The following IGSF3 variants were observed in gnomAD, a reference collection of about 807,000 sequenced individuals.
The protein encoded by IGSF3 is immunoglobulin superfamily member 3, also known as glu-Trp-Ile EWI motif-containing protein 3.
A neutral mutation model predicts 114.4 loss-of-function variants in IGSF3; 23 were observed. The ratio of observed to expected loss-of-function variants is 0.20; its 90% CI spans 0.14 to 0.28. The LOEUF is 0.28. Among genes scored for constraint, IGSF3 ranks in the 10% least tolerant of loss-of-function variants. The pLI is 1.00. For synonymous variants in IGSF3, 571 were observed against 645.2 expected (o/e 0.88, Z 1.74); for missense variants, 1,172 against 1,591.5 (o/e 0.74, Z 4.48).
rs1256900933 is a variant in IGSF3 at position 116,584,583 on chromosome 1, A to G, written c.2848+62T>C. ...ATAAACTAATTTTATCCAGTGCATA[A>G]AACAGTATACTTAAATGGGAAACAC... On this transcript the variant is annotated intron_variant, in intron 9 of 10. Coordinates refer to ENST00000369486, the MANE Select transcript of IGSF3 (RefSeq NM_001007237.3). The surrounding 1 kb of genome is among the most constrained non-coding windows in gnomAD (Gnocchi z 5.8). The G allele has an allele frequency of 6.6e-7, 1 of 1,525,420 alleles. No individual in the cohort carries two copies. 94.5% of individuals were successfully genotyped at this position (1,525,420 alleles called of 1,614,324 possible). A position where few individuals can be genotyped will look rare whatever the true frequency, so the allele number is the denominator to read the frequency against.
rs1018410690 is a variant in IGSF3, at chr1:116,664,849, G to C, written c.43+1435C>G. Among the ~76,000 whole-genome samples, 7 of 152,182 alleles carry C rather than the reference G, an allele frequency of 4.6e-5. No homozygotes were observed. The highest frequency in any genetic ancestry group is 1.7e-4 in the African/African-American group (7 of 41,436). ...TGAACTCACCCACTGGTTCTCTACTGAACCATGCATGGAATTACCTGAGAT... is the reference window on the plus strand; with the variant it reads ...TGAACTCACCCACTGGTTCTCTACTCAACCATGCATGGAATTACCTGAGAT... On this transcript the variant is annotated intron_variant, in intron 2 of 10. Coordinates refer to ENST00000369486, the MANE Select transcript of IGSF3 (RefSeq NM_001007237.3). The surrounding 1 kb of genome is among the most constrained non-coding windows in gnomAD (Gnocchi z 4.6).
In IGSF3 at chr1:116,604,043, G is replaced by C. The variant is rs1660702253; in HGVS notation, c.1223-18C>G. 1 of 1,572,966 alleles carries C rather than the reference G, an allele frequency of 6.4e-7. No individual in the cohort carries two copies. Among genetic ancestry groups the C allele is most frequent in the South Asian group, 1.1e-5 (1 of 87,916 alleles). ...GCTGCTCTCTAGGAAGAGGGAGAGA[G>C]AAACACCCTGGAGGCTTTATGGTCT... On this transcript the variant is annotated intron_variant, in intron 5 of 10. Coordinates refer to ENST00000369486, the MANE Select transcript of IGSF3 (RefSeq NM_001007237.3).
At chr1:116,660,924 T>C (rs912781773) in intron 2 of IGSF3, among the ~76,000 whole-genome samples, 9 of 152,190 alleles carry the variant, frequency 5.9e-5, no homozygotes, top group African/African-American at 2.2e-4. Context: ...GGGAAAAGTG[T>C]CATGAATTTC....
intron 6 of IGSF3, among the ~76,000 whole-genome samples, chr1:116,602,592 G>A (rs1422151059): frequency 6.6e-6 from 1 of 152,206 alleles, no homozygotes; most frequent in Non-Finnish European, 1.5e-5. Context: ...AATCTCAGAG[G>A]GGTAAGAAAA....
At position 116,610,988 on chromosome 1, in the gene IGSF3, C is replaced by T. The variant is rs1277235007; in HGVS notation, c.833-2657G>A. On this transcript the variant is annotated intron_variant, in intron 4 of 10. Transcript: ENST00000369486. The surrounding 1 kb of genome is among the most constrained non-coding windows in gnomAD (Gnocchi z 4.3). ...CCTTCCCTCCCACAGTTCAAGGAAC[C>T]CCCAGAGCCCCAGTCCTAGCCCCTG... Among the ~76,000 whole-genome samples, 1 of 152,186 alleles carries T rather than the reference C, an allele frequency of 6.6e-6. No individual in the cohort carries two copies. Among genetic ancestry groups the T allele is most frequent in the Non-Finnish European group, 1.5e-5 (1 of 68,044 alleles).
chr1:116,646,957 A>G (rs923030469), intron 2 of IGSF3: 3 of 152,440 alleles, frequency 2.0e-5, no homozygotes, highest in Non-Finnish European at 1.5e-5. Flanking sequence ...GACGCAGCAC[A>G]GTTCCTGAGA....
In IGSF3 at chr1:116,634,497, C is replaced by CT. The variant is rs574172173; in HGVS notation, c.44-18041dup. ...CCTCCTCTCTCCCTGCCCACATCTC[C>CT]TCAGTCACTCGCTGCCTCCTCTCTT... On this transcript the variant is annotated intron_variant, in intron 2 of 10. Coordinates refer to ENST00000369486, the MANE Select transcript of IGSF3 (RefSeq NM_001007237.3). This position sits in a 1 kb window ranked among gnomAD's most constrained non-coding sequence, Gnocchi z 4.2. Among the ~76,000 whole-genome samples the CT allele has an allele frequency of 4.8e-3, 734 of 152,308 alleles. 2 individuals carry two copies. Among genetic ancestry groups the CT allele is most frequent in the African/African-American group, 0.017 (687 of 41,572 alleles).
chr1:116,660,992 C>T (rs981896035), intron 2 of IGSF3, among the ~76,000 whole-genome samples: 2 of 152,126 alleles, frequency 1.3e-5, no homozygotes, highest in African/African-American at 4.8e-5. Flanking sequence ...AAACCATTCA[C>T]TCATCAAAAA....
In IGSF3 at chr1:116,648,446, T is replaced by TTGTTTAAAGCAC. The variant is rs1446805057; in HGVS notation, c.43+17826_43+17837dup. On this transcript the variant is annotated intron_variant, in intron 2 of 10. Transcript: ENST00000369486. The surrounding 1 kb of genome is among the most constrained non-coding windows in gnomAD (Gnocchi z 4.7). ...CCTTTCCCACGTGTCTAACTCTGCT[T>TTGTTTAAAGCAC]TGTTTAAAGCACAGTCAGACCCGCC... Among the ~76,000 whole-genome samples the TTGTTTAAAGCAC allele has an allele frequency of 6.6e-6, 1 of 152,168 alleles. No individual in the cohort carries two copies. The highest frequency in any genetic ancestry group is 6.5e-5 in the Admixed American group (1 of 15,284).
At position 116,650,354 on chromosome 1, in the gene IGSF3, G is replaced by A. The variant is rs1390954738; in HGVS notation, c.43+15930C>T. Among the ~76,000 whole-genome samples the A allele has an allele frequency of 3.3e-5, 5 of 152,176 alleles. No homozygotes were observed. Among genetic ancestry groups the A allele is most frequent in the East Asian group, 1.9e-4 (1 of 5,202 alleles). On this transcript the variant is annotated intron_variant, in intron 2 of 10. Coordinates refer to ENST00000369486, the MANE Select transcript of IGSF3 (RefSeq NM_001007237.3). This position sits in a 1 kb window ranked among gnomAD's most constrained non-coding sequence, Gnocchi z 5.0. ...GCAACAAGATGGCTGCTTCATGTCCGAGAATCTAGTGAAAGAAGCTGTCCC... is the reference window on the plus strand; with the variant it reads ...GCAACAAGATGGCTGCTTCATGTCCAAGAATCTAGTGAAAGAAGCTGTCCC...
intron 7 of IGSF3, among the ~76,000 whole-genome samples, chr1:116,597,280 G>T (rs569115310): frequency 1.3e-5 from 2 of 152,308 alleles, no homozygotes; most frequent in South Asian, 4.1e-4. Flanking sequence ...AGTCTCCAGC[G>T]CACAGTCAGC....
At chr1:116,666,102 C>T (rs547496840) in intron 2 of IGSF3, among the ~76,000 whole-genome samples, 182 bp downstream of exon 2, 1 of 152,242 alleles carries the variant, frequency 6.6e-6, no homozygotes, top group East Asian at 1.9e-4. Context: ...AATGATATTC[C>T]ACCGTTGCTC....
chr1:116,604,013 G>A lies in IGSF3; in HGVS notation c.1235C>T (p.Ser412Phe). The A allele has an allele frequency of 6.2e-7, 1 of 1,605,946 alleles. No individual in the cohort carries two copies. Among genetic ancestry groups the A allele is most frequent in the Non-Finnish European group, 8.5e-7 (1 of 1,178,328 alleles). The change falls in exon 6 of 11, where the codon TCC becomes TTC. Residue 412 changes from serine to phenylalanine, a missense_variant. This residue lies in a region of IGSF3 where 736 missense variants were observed against 1,042.0 expected (regional missense o/e 0.71). Transcript: ENST00000369486. ...IIVLPLKSSI[S>F]VEVASNASVI... ...GCTGGCATTGCTGGCCACCTCCACG[G>A]AGATGCTGCTCTCTAGGAAGAGGGA...
Position 116,649,198 on chromosome 1 carries a change from C to T in IGSF3, c.43+17086G>A, listed in dbSNP as rs1331174406. On this transcript the variant is annotated intron_variant, in intron 2 of 10. Coordinates refer to ENST00000369486, the MANE Select transcript of IGSF3 (RefSeq NM_001007237.3). This position sits in a 1 kb window ranked among gnomAD's most constrained non-coding sequence, Gnocchi z 4.5. ...CGTCTTGGCAGCCACACTTTCTGGC[C>T]CTAGCCCAAGGCTGCTGTGGCATGG... is the stretch of plus-strand genomic sequence containing the variant. 6.6e-6 allele frequency among the ~76,000 whole-genome samples: 1 copy of T among 152,212 alleles called. No individual in the cohort carries two copies. Among genetic ancestry groups the T allele is most frequent in the Non-Finnish European group, 1.5e-5 (1 of 68,040 alleles).
Position 116,579,727 on chromosome 1 carries a change from T to C in IGSF3, c.2999A>G (p.Lys1000Arg). 3 of 1,601,824 alleles carry C rather than the reference T, an allele frequency of 1.9e-6. No homozygotes were observed. Among genetic ancestry groups the C allele is most frequent in the African/African-American group, 1.3e-5 (1 of 74,814 alleles). ...WYSLRTKAGGKRSSPGLEEQE... is the reference protein window; with the variant it reads ...WYSLRTKAGGRRSSPGLEEQE... The stretch of plus-strand genomic sequence containing the variant: ...TTCTTCCAGGCCAGGGCTGCTCCTT[T>C]TCCCCCCAGCTTTAGTCCTCAGGGA... Residue 1000 changes from lysine (K) to arginine (R), a missense_variant, in exon 10 of 11, where the codon AAA (lysine) becomes AGA (arginine). Coordinates refer to ENST00000369486, the MANE Select transcript of IGSF3 (RefSeq NM_001007237.3). This position sits in a 1 kb window ranked among gnomAD's most constrained non-coding sequence, Gnocchi z 6.4.
In IGSF3 at chr1:116,596,609, A is replaced by C. The variant is rs1660355592; in HGVS notation, c.2029+3332T>G. Among the ~76,000 whole-genome samples the C allele has an allele frequency of 6.6e-6, 1 of 152,250 alleles. No homozygotes were observed. The highest frequency in any genetic ancestry group is 1.5e-5 in the Non-Finnish European group (1 of 68,044). On this transcript the variant is annotated intron_variant, in intron 7 of 10. Transcript: ENST00000369486. The surrounding 1 kb of genome is among the most constrained non-coding windows in gnomAD (Gnocchi z 4.1). ...ATTTGCTAAAGGGGATTAGGAAATC[A>C]GGGGTGGTTAACCAGAGAGAGGAAA...
In IGSF3 at chr1:116,598,244, T is replaced by C. The variant is rs1320434907; in HGVS notation, c.2029+1697A>G. Among the ~76,000 whole-genome samples the C allele has an allele frequency of 6.6e-6, 1 of 151,946 alleles. No homozygotes were observed. The highest frequency in any genetic ancestry group is 1.9e-4 in the East Asian group (1 of 5,184). On this transcript the variant is annotated intron_variant, in intron 7 of 10. Transcript: ENST00000369486. The surrounding 1 kb of genome is among the most constrained non-coding windows in gnomAD (Gnocchi z 4.3). Reference sequence around the variant, plus strand: ...GCAATGCTGCTCAGAAAACTGACCTTGAGAGCCAGAGGGGACAAAAAAAAA... The same window carrying C: ...GCAATGCTGCTCAGAAAACTGACCTCGAGAGCCAGAGGGGACAAAAAAAAA...
At chr1:116,619,688 A>AC (rs1557874807) in intron 2 of IGSF3, among the ~76,000 whole-genome samples, 1 of 151,824 alleles carries the variant, frequency 6.6e-6, no homozygotes, top group Non-Finnish European at 1.5e-5. Flanking sequence ...AGGCTCCCAA[A>AC]CCTGACCAGG....
rs4044783 is a variant in IGSF3, at chr1:116,627,594, G to A, written c.44-11137C>T. Among the ~76,000 whole-genome samples the A allele has an allele frequency of 6.6e-6, 1 of 152,230 alleles. No individual in the cohort carries two copies. The highest frequency in any genetic ancestry group is 1.5e-5 in the Non-Finnish European group (1 of 68,048). On this transcript the variant is annotated intron_variant, in intron 2 of 10. Transcript: ENST00000369486. The surrounding 1 kb of genome is among the most constrained non-coding windows in gnomAD (Gnocchi z 4.7). ...TAAGCCCAGGGCCCTGCTGACAACAGGCCGGGAGCGCATCTGCAGGCAGCG... is the reference window on the plus strand; with the variant it reads ...TAAGCCCAGGGCCCTGCTGACAACAAGCCGGGAGCGCATCTGCAGGCAGCG...
Sources: allele counts gnomAD v4.1 joint callset (sites outside exome capture counted in the v4.1 genomes callset), GRCh38; gene constraint gnomAD v4.1.1; regional missense constraint gnomAD v4.1.1; non-coding constraint Gnocchi (gnomAD v3.1); transcripts MANE v1.5; gene names NCBI Gene and HGNC (gene_info 2026-07-23, HGNC 2026-07-21).